The following RIF1 variants were observed in gnomAD, a reference collection of about 807,000 sequenced individuals.
RIF1 encodes telomere-associated protein RIF1.
Under a neutral mutation model 247.1 loss-of-function variants are expected in RIF1, and 45 were observed. The ratio of observed to expected loss-of-function variants is 0.18; its 90% CI spans 0.14 to 0.23. The LOEUF (loss-of-function observed/expected upper bound fraction) is 0.23, where lower values mean the gene tolerates loss of function less well. Among genes scored for constraint, RIF1 ranks in the 10% least tolerant of loss-of-function variants. The pLI, the probability that RIF1 is intolerant of heterozygous loss-of-function variation, is 1.00. For synonymous variants in RIF1, 1,087 were observed against 978.8 expected, an observed-to-expected ratio of 1.11 and a Z score of -2.06; for missense variants, 2,967 against 2,862.5, an observed-to-expected ratio of 1.04 and a Z score of -0.83.
At chr2:151,426,995 C>G (rs1285874555) in intron 8 of RIF1, among the ~76,000 whole-genome samples, 1 of 151,922 alleles carries the variant, frequency 6.6e-6, no homozygotes, top group African/African-American at 2.4e-5. Context: ...CATCTTGTGT[C>G]TTTAACTTCT....
At chr2:151,454,404 T>C (rs1312598390) in intron 21 of RIF1, among the ~76,000 whole-genome samples, 1 of 152,176 alleles carries the variant, frequency 6.6e-6, no homozygotes, top group Non-Finnish European at 1.5e-5. Context: ...CTTTCTCAGC[T>C]TTGTATCTCT....
chr2:151,530,963 A>G, the RIF1 span: 6 of 1,452,060 alleles, frequency 4.1e-6, no homozygotes, highest in Non-Finnish European at 5.8e-6. Flanking sequence ...GGCCAAGATG[A>G]GAGGGACTGC....
rs2049029071 is a variant in RIF1 at position 151,478,329 on chromosome 2, T to C, written c.*3258T>C. On this transcript the variant is annotated 3_prime_UTR_variant, in exon 36 of 36. Coordinates refer to ENST00000444746, the MANE Select transcript of RIF1 (RefSeq NM_018151.5). Reference sequence around the variant, plus strand: ...GGCGAAATCCTGTCTCTACTAAAAATACAAAAACCAGCCAGGCATGTTGGC... The same window carrying C: ...GGCGAAATCCTGTCTCTACTAAAAACACAAAAACCAGCCAGGCATGTTGGC... 6.6e-6 allele frequency: 1 copy of C among 152,104 alleles called. No homozygotes were observed. Among genetic ancestry groups the C allele is most frequent in the South Asian group, 2.1e-4 (1 of 4,824 alleles). 9.4% of individuals were successfully genotyped at this position (152,104 alleles called of 1,614,324 possible).
At chr2:151,498,944 GTTAGA>G (rs1010309409) in intron 10 of RIF1, among the ~76,000 whole-genome samples, 26 of 151,914 alleles carry the variant, frequency 1.7e-4, no homozygotes, top group Admixed American at 9.8e-4. Context: ...GATAGAAAAG[GTTAGA>G]ATAAGAAACG....
At chr2:151,485,905 A>G (rs141449286), downstream of RIF1, 10 of 1,613,948 alleles carry the variant, frequency 6.2e-6, no homozygotes, top group Admixed American at 8.3e-5. Context: ...ATCAGCAGCC[A>G]TATAGTCATA....
chr2:151,524,264 T>C, the RIF1 span: 1 of 1,505,536 alleles, frequency 6.6e-7, no homozygotes, highest in Non-Finnish European at 9.2e-7. Flanking sequence ...GCAAGGTCTT[T>C]TATAATCTCC....
intron 14 of RIF1, among the ~76,000 whole-genome samples, chr2:151,439,313 G>T (rs1463691279): frequency 6.6e-6 from 1 of 152,022 alleles, no homozygotes; most frequent in Non-Finnish European, 1.5e-5. Flanking sequence ...TGTTGATTTA[G>T]AAAAAATAAA....
At chr2:151,522,084 G>T in the RIF1 span, among the ~76,000 whole-genome samples, 5 of 152,184 alleles carry the variant, frequency 3.3e-5, no homozygotes, top group South Asian at 2.1e-4. Flanking sequence ...AGCCCCCGGG[G>T]TTTATAATCC....
At chr2:151,456,993 C>G (rs768703598) in intron 23 of RIF1, among the ~76,000 whole-genome samples, 2 of 152,162 alleles carry the variant, frequency 1.3e-5, no homozygotes, top group African/African-American at 4.8e-5. Context: ...CTCGGCTTCC[C>G]GAAGTGCTAA....
intron 20 of RIF1, among the ~76,000 whole-genome samples, chr2:151,450,293 A>G (rs1694071338): frequency 6.6e-6 from 1 of 152,094 alleles, no homozygotes; most frequent in African/African-American, 2.4e-5. Context: ...TAGGACTTCT[A>G]ATTTTGGAAT....
chr2:151,490,518 A>G, intron 9 of RIF1: 1 of 1,608,320 alleles, frequency 6.2e-7, no homozygotes, highest in South Asian at 1.1e-5. Context: ...CTGAGCTTGG[A>G]CTGGGAGAGA....
intron 4 of RIF1, 95 bp from the exon 5 acceptor site, chr2:151,416,466 A>T (rs1050844992): frequency 2.7e-6 from 3 of 1,129,410 alleles, no homozygotes; most frequent in East Asian, 4.9e-5. Context: ...ATTTAATTTT[A>T]TGATTGATGA....
In RIF1 at chr2:151,464,036, G is replaced by A. The variant is rs781643896; in HGVS notation, c.4516G>A (p.Ala1506Thr). The change falls in exon 30 of 36, where the codon GCA becomes ACA. Residue 1506 changes from alanine to threonine, a missense_variant. By Grantham distance (58) the Ala-to-Thr change is moderately conservative. This residue lies in a region of RIF1 where 2,028 missense variants were observed against 1,825.6 expected (regional missense o/e 1.11). Coordinates refer to ENST00000444746, the MANE Select transcript of RIF1 (RefSeq NM_018151.5). ...NAETEQNKKK[A>T]DPENIKSEGD... ...AGAAACTGAACAAAATAAAAAAAAG[G>A]CAGACCCTGAGAACATTAAGTCTGA... 3.1e-6 allele frequency: 5 copies of A among 1,610,688 alleles called. No individual in the cohort carries two copies. Among genetic ancestry groups the A allele is most frequent in the Non-Finnish European group, 4.2e-6 (5 of 1,179,314 alleles).
intron 8 of RIF1, among the ~76,000 whole-genome samples, chr2:151,425,035 G>T (rs1265758945): frequency 1.3e-5 from 2 of 151,644 alleles, no homozygotes; most frequent in Non-Finnish European, 2.9e-5. Context: ...GTAATGCACT[G>T]GGGTTCCGCT....
Position 151,458,226 on chromosome 2 carries a change from A to ATTT in RIF1, c.2855+285_2855+287dup, listed in dbSNP as rs71403171. ...AGACAAGGAGGACAGGAAATAGATG[A>ATTT]TTTTTTTTTTTTTTTTTTTTTTTTG... On this transcript the variant is annotated intron_variant, in intron 24 of 35. Coordinates refer to ENST00000444746, the MANE Select transcript of RIF1 (RefSeq NM_018151.5). 4.4e-3 allele frequency among the ~76,000 whole-genome samples: 433 copies of ATTT among 99,046 alleles called. 5 individuals are homozygous for ATTT. Among genetic ancestry groups the ATTT allele is most frequent in the African/African-American group, 6.8e-3 (192 of 28,066 alleles). 65.0% of individuals were successfully genotyped at this position (99,046 alleles called of 152,430 possible).
intron 9 of RIF1, among the ~76,000 whole-genome samples, chr2:151,489,533 G>C (rs1254215118): frequency 6.6e-6 from 1 of 152,012 alleles, no homozygotes; most frequent in Admixed American, 6.6e-5. Flanking sequence ...TCAGTAGCTG[G>C]GGCTATAGAT....
chr2:151,462,648 A>AGTGTGTGT (rs112752759), intron 29 of RIF1, among the ~76,000 whole-genome samples, 182 bp downstream of exon 29: 86 of 150,734 alleles, frequency 5.7e-4, no homozygotes, highest in Non-Finnish European at 7.3e-4. Context: ...GACACTAGTC[A>AGTGTGTGT]GTGTGTGTGT....
At chr2:151,428,550 G>T (rs575621749) in intron 8 of RIF1, among the ~76,000 whole-genome samples, 1 of 152,168 alleles carries the variant, frequency 6.6e-6, no homozygotes, top group South Asian at 2.1e-4. Context: ...TATATATTTT[G>T]TGATCTTGAG....
Position 151,462,989 on chromosome 2 carries a change from T to G in RIF1, c.3469T>G (p.Ser1157Ala). ...CTCCCTTTCGAATAATGAGTGTGGT[T>G]CTCTTGACAAAACCAGTCCAGAAAT... ...KSSLSNNECG[S>A]LDKTSPEMSN... The change falls in exon 30 of 36, where the codon TCT becomes GCT. Residue 1157 changes from serine (S) to alanine (A), a missense_variant. By Grantham distance (99) the Ser-to-Ala change is moderately conservative (BLOSUM62 1). Transcript: ENST00000444746. 1 of 1,614,016 alleles carries G rather than the reference T, an allele frequency of 6.2e-7. No homozygotes were observed. Among genetic ancestry groups the G allele is most frequent in the South Asian group, 1.1e-5 (1 of 91,074 alleles).
Sources: gnomAD v4.1 joint callset for allele counts (sites outside exome capture counted in the v4.1 genomes callset) on GRCh38, gnomAD v4.1.1 for gene constraint, gnomAD v4.1.1 regional missense constraint, MANE v1.5 for transcripts, NCBI Gene and HGNC (gene_info 2026-07-23, HGNC 2026-07-21) for gene names.